Variants in INO80D observed in about 807,000 individuals in gnomAD.
INO80D encodes INO80 complex subunit D.
In INO80D, 21 loss-of-function variants were observed where a neutral mutation model predicts 87.6. That is an observed-to-expected ratio of 0.24 (90% CI 0.17 to 0.35). INO80D has a LOEUF of 0.35. INO80D is among the 10% of genes least tolerant of loss of function. The pLI, the probability that INO80D is intolerant of heterozygous loss-of-function variation, is 1.00. For missense variants in INO80D, 982 were observed against 1,280.7 expected (o/e 0.77, Z 3.56); for synonymous variants, 440 against 491.0 (o/e 0.90, Z 1.37).
intron 5 of INO80D, among the ~76,000 whole-genome samples, chr2:206,030,519 G>A (rs1688734131): frequency 6.6e-6 from 1 of 151,360 alleles, no homozygotes; most frequent in African/African-American, 2.4e-5. Context: ...GGTGACAGCA[G>A]AAATGAACCC....
rs954601038 is a variant in INO80D at position 206,062,795 on chromosome 2, T to A, written c.218+4A>T. 9 of 1,598,526 alleles carry A rather than the reference T, an allele frequency of 5.6e-6. No individual in the cohort carries two copies. Among genetic ancestry groups the A allele is most frequent in the Admixed American group, 1.8e-5 (1 of 54,482 alleles). On this transcript the variant is annotated splice_donor_region_variant and intron_variant, in intron 3 of 10. Coordinates refer to ENST00000403263, the MANE Select transcript of INO80D (RefSeq NM_017759.5). This position sits in a 1 kb window ranked among gnomAD's most constrained non-coding sequence, Gnocchi z 4.6. ...AAGGATTGATTCTCATGATTAGCCC[T>A]TACCTACGATCCTCTGATTTGGGGA...
At chr2:206,008,501 G>C (rs1324031343) in intron 9 of INO80D, among the ~76,000 whole-genome samples, 1 of 151,204 alleles carries the variant, frequency 6.6e-6, no homozygotes, top group Admixed American at 6.6e-5. Context: ...GGCTGGTCTC[G>C]AACTCCTGAC....
At chr2:206,013,741 G>A (rs1357891601) in intron 8 of INO80D, among the ~76,000 whole-genome samples, 1 of 151,260 alleles carries the variant, frequency 6.6e-6, no homozygotes, top group African/African-American at 2.4e-5. Context: ...GAAAGCTACA[G>A]GGCCCACATT....
At chr2:206,028,481 A>C (rs772473621) in intron 5 of INO80D, 146 bp from the exon 6 acceptor site, 3 of 594,538 alleles carry the variant, frequency 5.0e-6, no homozygotes, top group Non-Finnish European at 8.9e-6. Flanking sequence ...AATTAGAGTA[A>C]GAGAATTCCA....
intron 1 of INO80D, among the ~76,000 whole-genome samples, chr2:206,067,646 T>C (rs781644632): frequency 2.0e-5 from 3 of 152,198 alleles, no homozygotes; most frequent in Non-Finnish European, 4.4e-5. Context: ...TAAATTTAGC[T>C]GCCCTGGATG....
At chr2:206,058,418 CAA>C (rs59790218) in intron 3 of INO80D, among the ~76,000 whole-genome samples, 3 of 125,324 alleles carry the variant, frequency 2.4e-5, no homozygotes, top group African/African-American at 6.9e-5. Flanking sequence ...GACTCTGTCT[CAA>C]AAAAAAAAAA....
At chr2:206,069,533 G>A (rs1251856136) in intron 1 of INO80D, among the ~76,000 whole-genome samples, 1 of 151,994 alleles carries the variant, frequency 6.6e-6, no homozygotes, top group Non-Finnish European at 1.5e-5. Context: ...ATCACCTGAG[G>A]TCAGGAGTTC....
chr2:206,078,648 C>T (rs1690188689), intron 1 of INO80D, among the ~76,000 whole-genome samples: 1 of 151,504 alleles, frequency 6.6e-6, no homozygotes, highest in Non-Finnish European at 1.5e-5. Flanking sequence ...ACAAAAACAA[C>T]AAAAAAAGAA....
chr2:206,064,531 C>T (rs974393222), intron 1 of INO80D, among the ~76,000 whole-genome samples: 2 of 152,208 alleles, frequency 1.3e-5, no homozygotes, highest in African/African-American at 4.8e-5. Flanking sequence ...AAATCTGCCA[C>T]TTGCTGTGTT....
chr2:206,013,423 G>C (rs1314057499), intron 8 of INO80D, among the ~76,000 whole-genome samples: 1 of 151,868 alleles, frequency 6.6e-6, no homozygotes, highest in Non-Finnish European at 1.5e-5. Context: ...GTGGTGGCAG[G>C]CACCTGTAGT....
rs921722440 is a variant in INO80D, at chr2:206,086,002, G to GCTGCTA, written c.-231_-226dup. 3 of 152,368 alleles carry GCTGCTA rather than the reference G, an allele frequency of 2.0e-5. No homozygotes were observed. The highest frequency in any genetic ancestry group is 4.4e-5 in the Non-Finnish European group (3 of 68,266). The allele number at this position is 152,368 out of a possible 1,614,324, so 9.4% of individuals were successfully genotyped here. Reference sequence around the variant, plus strand: ...CAATGGACTAGGAAGCTCGGCTGCCGCTGCTACTGCTCCCCCCTGGGCTCC... The same window carrying GCTGCTA: ...CAATGGACTAGGAAGCTCGGCTGCCGCTGCTACTGCTACTGCTCCCCCCTGGGCTCC... On this transcript the variant is annotated 5_prime_UTR_variant, in exon 1 of 11. Transcript: ENST00000403263.
chr2:206,037,605 A>G (rs955035241), intron 5 of INO80D, among the ~76,000 whole-genome samples: 2 of 152,232 alleles, frequency 1.3e-5, no homozygotes, highest in African/African-American at 4.8e-5. Context: ...CTATCATTAA[A>G]AAGACACTGT....
chr2:206,020,921 C>T (rs891280284), intron 6 of INO80D, among the ~76,000 whole-genome samples: 3 of 151,924 alleles, frequency 2.0e-5, no homozygotes, highest in Non-Finnish European at 4.4e-5. Context: ...CTTTGGGAGG[C>T]AGAGGAGGGC....
intron 8 of INO80D, among the ~76,000 whole-genome samples, chr2:206,013,979 A>G (rs917488895): frequency 6.6e-6 from 1 of 151,798 alleles, no homozygotes; most frequent in African/African-American, 2.4e-5. Context: ...GCCAACATGG[A>G]AAAACGCTTT....
intron 1 of INO80D, among the ~76,000 whole-genome samples, chr2:206,072,282 T>C (rs1383486336): frequency 6.6e-6 from 1 of 150,952 alleles, no homozygotes; most frequent in African/African-American, 2.5e-5. Flanking sequence ...AGGGTTTTGT[T>C]TGGTTTTTTT....
chr2:206,000,257 A>G lies in INO80D; in HGVS notation c.*4111T>C, dbSNP rs2105786518. Reference sequence around the variant, plus strand: ...TTTTTAATGAATTTCAAACCTCTTAATAAGTTTAGTGTTCATATACTCATC... The same window carrying G: ...TTTTTAATGAATTTCAAACCTCTTAGTAAGTTTAGTGTTCATATACTCATC... On this transcript the variant is annotated 3_prime_UTR_variant, in exon 11 of 11. Transcript: ENST00000403263. The G allele has an allele frequency of 6.6e-6, 1 of 152,072 alleles. No homozygotes were observed. Among genetic ancestry groups the G allele is most frequent in the South Asian group, 2.1e-4 (1 of 4,800 alleles). 9.4% of individuals were successfully genotyped at this position (152,072 alleles called of 1,614,324 possible).
intron 7 of INO80D, among the ~76,000 whole-genome samples, chr2:206,018,917 T>C (rs557456098): frequency 1.3e-5 from 2 of 152,100 alleles, no homozygotes; most frequent in African/African-American, 2.4e-5. Flanking sequence ...CAAACAAACA[T>C]GAGCTTTACA....
Position 206,030,783 on chromosome 2 carries a change from T to A in INO80D, c.1074-2448A>T, listed in dbSNP as rs115440496. On this transcript the variant is annotated intron_variant, in intron 5 of 10. Coordinates refer to ENST00000403263, the MANE Select transcript of INO80D (RefSeq NM_017759.5). ...TTGCACTCCTAACTGCTAAGCTTTG[T>A]AACTGTTAAGAAAATACAGTAACAG... 5.0e-3 allele frequency among the ~76,000 whole-genome samples: 766 copies of A among 152,338 alleles called. 7 individuals carry two copies. Among genetic ancestry groups the A allele is most frequent in the African/African-American group, 0.018 (733 of 41,572 alleles).
intron 1 of INO80D, among the ~76,000 whole-genome samples, chr2:206,080,607 T>A (rs1166551516): frequency 1.3e-5 from 2 of 152,062 alleles, no homozygotes; most frequent in Non-Finnish European, 2.9e-5. Context: ...AAAATTCACA[T>A]CAAGAATATT....
Sources: allele counts gnomAD v4.1 joint callset (sites outside exome capture counted in the v4.1 genomes callset), GRCh38; gene constraint gnomAD v4.1.1; non-coding constraint Gnocchi (gnomAD v3.1); transcripts MANE v1.5; gene names NCBI Gene and HGNC (gene_info 2026-07-23, HGNC 2026-07-21).